The following FOXM1 variants were observed in gnomAD, a reference collection of about 807,000 sequenced individuals.
FOXM1 encodes the protein forkhead box protein M1.
FOXM1 carries 25 observed loss-of-function variants against 63.6 expected under a neutral mutation model. The observed-to-expected ratio is 0.39, with a 90% CI of 0.29 to 0.55. The LOEUF (loss-of-function observed/expected upper bound fraction) is 0.55, where lower values mean the gene tolerates loss of function less well. Among genes scored for constraint, FOXM1 ranks in the 20% least tolerant of loss-of-function variants. FOXM1 has a pLI of 0.60. For missense variants in FOXM1, 879 were observed against 958.7 expected, an observed-to-expected ratio of 0.92 and a Z score of 1.10; for synonymous variants, 387 against 376.9, an observed-to-expected ratio of 1.03 and a Z score of -0.31.
In FOXM1 at chr12:2,874,369, G is replaced by T; in HGVS notation, c.110C>A (p.Ala37Asp). Reference protein sequence around the residue: ...TSEEEPKRSPAQQESNQAEAS... With the variant: ...TSEEEPKRSPDQQESNQAEAS... ...CTCTGCTTGATTAGACTCCTGTTGG[G>T]CAGGGGATCTCTTAGGTTCCTCCTC... The change falls in exon 2 of 9, where the codon GCC becomes GAC. Residue 37 changes from alanine (A) to aspartate (D), a missense_variant. By Grantham distance (126) the Ala-to-Asp change is moderately radical (BLOSUM62 -2). Coordinates refer to ENST00000359843, the MANE Select transcript of FOXM1 (RefSeq NM_021953.4). The surrounding 1 kb of genome is among the most constrained non-coding windows in gnomAD (Gnocchi z 4.3). 1.2e-6 allele frequency: 2 copies of T among 1,614,104 alleles called. No homozygotes were observed. The highest frequency in any genetic ancestry group is 2.2e-5 in the South Asian group (2 of 91,076).
In FOXM1 at chr12:2,864,974, T is replaced by C. The variant is rs2098120499; in HGVS notation, c.1021-222A>G. The C allele has an allele frequency of 4.9e-6, 3 of 606,106 alleles. No individual in the cohort carries two copies. The South Asian group carries it at 5.6e-5, about 11-fold the overall frequency. 37.5% of individuals were successfully genotyped at this position (606,106 alleles called of 1,614,324 possible). The stretch of plus-strand genomic sequence containing the variant: ...CAGACACATGATGGCAGAGTGGCAC[T>C]ACCGCTTCACCCACGTGTCCTCAAC... On this transcript the variant is annotated intron_variant, in intron 6 of 8. Transcript: ENST00000359843. This position sits in a 1 kb window ranked among gnomAD's most constrained non-coding sequence, Gnocchi z 5.1.
intron 8 of FOXM1, chr12:2,861,246 C>A: frequency 1.5e-6 from 1 of 686,240 alleles, no homozygotes; most frequent in Non-Finnish European, 2.6e-6. Context: ...ATAACCAATT[C>A]ATAGAGGACA....
intron 3 of FOXM1, among the ~76,000 whole-genome samples, chr12:2,870,550 C>A (rs1219149233): frequency 6.6e-6 from 1 of 151,492 alleles, no homozygotes; most frequent in Admixed American, 6.6e-5. Flanking sequence ...ATAGTCCCAG[C>A]TACTCGGGAG....
chr12:2,859,427 G>A lies in FOXM1; in HGVS notation c.1503C>T (p.Ser501=), dbSNP rs758292051. Residue 501 remains serine, a synonymous_variant, in exon 9 of 9, where the codon TCC becomes TCT. Coordinates refer to ENST00000359843, the MANE Select transcript of FOXM1 (RefSeq NM_021953.4). The stretch of plus-strand genomic sequence containing the variant: ...TGGGAGATTGGGACGAATCCTCCCA[G>A]GAGTGAGATGATTCCTCTTTGAAAG... ...APSFKEESSH[S]WEDSSQSPTP... 6 of 1,613,928 alleles carry A rather than the reference G, an allele frequency of 3.7e-6. No individual in the cohort carries two copies.
intron 1 of FOXM1, among the ~76,000 whole-genome samples, 160 bp downstream of exon 1, chr12:2,876,760 G>GA (rs1396504914): frequency 6.6e-6 from 1 of 152,200 alleles, no homozygotes; most frequent in Non-Finnish European, 1.5e-5. Context: ...GGTGGACGCA[G>GA]AAAAAACTTG....
rs1044654296 is a variant in FOXM1, at chr12:2,876,910, T to A, written c.-48+10A>T. 1 of 152,302 alleles carries A rather than the reference T, an allele frequency of 6.6e-6. No individual in the cohort carries two copies. The highest frequency in any genetic ancestry group is 2.1e-4 in the South Asian group (1 of 4,836). 9.4% of individuals were successfully genotyped at this position (152,302 alleles called of 1,614,324 possible). A position where few individuals can be genotyped will look rare whatever the true frequency, so the allele number is the denominator to read the frequency against. ...CCAGGCCTGGGACTCCATTGCTGCA[T>A]CCCGCTCACCTCCAGACTGCAGTCG... On this transcript the variant is annotated intron_variant, in intron 1 of 8. Transcript: ENST00000359843.
Position 2,864,327 on chromosome 12 carries a change from G to A in FOXM1, c.1259C>T (p.Ala420Val), listed in dbSNP as rs2098119161. ...GGAAAATAGGACACCCACCTTGGGG[G>A]CAATGCGGACTCGCTTGCTATGGCG... Reference protein sequence around the residue: ...LARHSKRVRIAPKVLLAEEGI... With the variant: ...LARHSKRVRIVPKVLLAEEGI... The change falls in exon 8 of 9, where the codon GCC becomes GTC. Residue 420 changes from alanine to valine, a missense_variant. This residue lies in a region of FOXM1 where 486 missense variants were observed against 453.5 expected (regional missense o/e 1.07). Coordinates refer to ENST00000359843, the MANE Select transcript of FOXM1 (RefSeq NM_021953.4). This position sits in a 1 kb window ranked among gnomAD's most constrained non-coding sequence, Gnocchi z 5.1. 1 of 1,611,130 alleles carries A rather than the reference G, an allele frequency of 6.2e-7. No homozygotes were observed. Among genetic ancestry groups the A allele is most frequent in the East Asian group, 2.2e-5 (1 of 44,798 alleles).
At position 2,858,867 on chromosome 12, in the gene FOXM1, G is replaced by A; in HGVS notation, c.2063C>T (p.Pro688Leu). 1.2e-6 allele frequency: 2 copies of A among 1,614,156 alleles called. No homozygotes were observed. The highest frequency in any genetic ancestry group is 8.5e-7 in the Non-Finnish European group (1 of 1,180,022). ...ATCTGAGGGAGAAGAGTTGCCAAAG[G>A]GGACGGAGATGAGGTCTAAGGGTTC... is the stretch of plus-strand genomic sequence containing the variant. The part of the protein sequence containing the change: ...SSEPLDLISV[P>L]FGNSSPSDID... Residue 688 changes from proline to leucine, a missense_variant, in exon 9 of 9, where the codon CCC becomes CTC. By Grantham distance (98) the Pro-to-Leu change is moderately conservative. Coordinates refer to ENST00000359843, the MANE Select transcript of FOXM1 (RefSeq NM_021953.4).
chr12:2,859,730 C>T (rs558197969), intron 8 of FOXM1, 67 bp from the exon 9 acceptor site: 18 of 1,172,030 alleles, frequency 1.5e-5, no homozygotes, highest in Admixed American at 2.4e-5. Flanking sequence ...ATATCACATA[C>T]GGGTTCTGAT....
intron 3 of FOXM1, among the ~76,000 whole-genome samples, chr12:2,869,411 A>C (rs2098128943): frequency 6.6e-6 from 1 of 150,678 alleles, no homozygotes; most frequent in African/African-American, 2.4e-5. Context: ...CTGGGACTAC[A>C]GGCATACACC....
Position 2,864,426 on chromosome 12 carries a change from T to C in FOXM1, c.1160A>G (p.Gln387Arg). 1.9e-6 allele frequency: 3 copies of C among 1,614,150 alleles called. No individual in the cohort carries two copies. The highest frequency in any genetic ancestry group is 2.5e-6 in the Non-Finnish European group (3 of 1,179,966). The change falls in exon 8 of 9, where the codon CAG becomes CGG. Residue 387 changes from glutamine to arginine, a missense_variant. By Grantham distance (43) the Gln-to-Arg change is conservative. Transcript: ENST00000359843. The surrounding 1 kb of genome is among the most constrained non-coding windows in gnomAD (Gnocchi z 5.1). The stretch of plus-strand genomic sequence containing the variant: ...CACCGAGGGCTGCAACACCAGTGAC[T>C]GGTTCACCGGGAACTGGATAGGTAC... ...YLVPIQFPVN[Q>R]SLVLQPSVKV...
At chr12:2,861,190 C>A in intron 8 of FOXM1, 4 of 582,456 alleles carry the variant, frequency 6.9e-6, no homozygotes, top group Non-Finnish European at 6.0e-6. Context: ...AAAGAGCTCT[C>A]ACAAATTGAT....
chr12:2,874,059 G>A lies in FOXM1; in HGVS notation c.420C>T (p.Thr140=), dbSNP rs756830721. The A allele has an allele frequency of 6.2e-7, 1 of 1,614,124 alleles. No homozygotes were observed. Among genetic ancestry groups the A allele is most frequent in the South Asian group, 1.1e-5 (1 of 91,086 alleles). The change falls in exon 2 of 9, where the codon ACC becomes ACT. Residue 140 remains threonine, a synonymous_variant. Transcript: ENST00000359843. This position sits in a 1 kb window ranked among gnomAD's most constrained non-coding sequence, Gnocchi z 4.3. ...CCCTAGCTGCAGGTTTTGGTCCCAA[G>A]GTCTCCAGGGTCACTTCTGTCCTTT... ...DAKRTEVTLE[T]LGPKPAARDV...
At chr12:2,871,838 C>T (rs189110400) in intron 3 of FOXM1, among the ~76,000 whole-genome samples, 76 of 152,188 alleles carry the variant, frequency 5.0e-4, no homozygotes, top group African/African-American at 1.8e-3. Flanking sequence ...TGAATACCTA[C>T]TAAGGACAAA....
rs966714351 is a variant in FOXM1, at chr12:2,865,476, A to G, written c.976-77T>C. 1.8e-5 allele frequency: 22 copies of G among 1,215,216 alleles called. No homozygotes were observed. The African/African-American group carries it at 2.7e-4, about 15-fold the overall frequency. 75.3% of individuals were successfully genotyped at this position (1,215,216 alleles called of 1,614,324 possible). A position where few individuals can be genotyped will look rare whatever the true frequency, so the allele number is the denominator to read the frequency against. On this transcript the variant is annotated intron_variant, in intron 5 of 8. Transcript: ENST00000359843. ...CGTGGTCAATTTGACCGGATTGGGA[A>G]AAACACTTATTCCTGACTGATGACA...
At position 2,868,740 on chromosome 12, in the gene FOXM1, C is replaced by T. The variant is rs768067692; in HGVS notation, c.669G>A (p.Ser223=). 7.4e-6 allele frequency: 12 copies of T among 1,612,392 alleles called. No individual in the cohort carries two copies. Among genetic ancestry groups the T allele is most frequent in the Admixed American group, 6.7e-5 (4 of 59,822 alleles). Residue 223 remains serine (S), a synonymous_variant, in exon 4 of 9, where the codon TCG becomes TCA. Transcript: ENST00000359843. ...AGTTCTGCCAGGACGCTGATGGTCT[C>T]GAAGGCTCCTCAACCTGAGGGTTAT... ...EQRQVKVEEP[S]RPSASWQNSV...
intron 8 of FOXM1, among the ~76,000 whole-genome samples, chr12:2,860,316 T>A (rs1356235744): frequency 6.6e-6 from 1 of 151,996 alleles, no homozygotes; most frequent in East Asian, 1.9e-4. Flanking sequence ...ATCCCATCTC[T>A]ACAAAAAAAT....
In FOXM1 at chr12:2,861,376, T is replaced by TA. The variant is rs759975037; in HGVS notation, c.1267-1714dup. On this transcript the variant is annotated intron_variant, in intron 8 of 8. Coordinates refer to ENST00000359843, the MANE Select transcript of FOXM1 (RefSeq NM_021953.4). ...TCTCGCAGATCGCCACTAAAGAACT[T>TA]ACTCATGTAACCAAACACCACCTGT... 22 of 712,654 alleles carry TA rather than the reference T, an allele frequency of 3.1e-5. No individual in the cohort carries two copies. The African/African-American group carries it at 3.2e-4, about 10-fold the overall frequency. 44.1% of individuals were successfully genotyped at this position (712,654 alleles called of 1,614,324 possible).
chr12:2,866,628 A>G, intron 4 of FOXM1, 107 bp from the exon 5 acceptor site: 3 of 1,230,416 alleles, frequency 2.4e-6, no homozygotes, highest in Non-Finnish European at 3.3e-6. Context: ...TGTGCTCAGC[A>G]CAGGCTTCGT....
Sources: gnomAD v4.1 joint callset for allele counts (sites outside exome capture counted in the v4.1 genomes callset) on GRCh38, gnomAD v4.1.1 for gene constraint, gnomAD v4.1.1 regional missense constraint, Gnocchi (gnomAD v3.1) non-coding constraint, MANE v1.5 for transcripts, NCBI Gene and HGNC (gene_info 2026-07-23, HGNC 2026-07-21) for gene names.